The following TRPA1 variants were observed in gnomAD, a reference collection of about 807,000 sequenced individuals.
The protein encoded by TRPA1 is transient receptor potential cation channel subfamily A member 1, also known as ankyrin-like with transmembrane domains 1.
TRPA1 carries 129 observed loss-of-function variants against 131.3 expected under a neutral mutation model. The ratio of observed to expected loss-of-function variants is 0.98; its 90% CI spans 0.85 to 1.14. TRPA1 has a LOEUF of 1.14. TRPA1 is among the 50% of genes most tolerant of loss of function. TRPA1 has a pLI of 0.00. For synonymous variants in TRPA1, 441 were observed against 451.7 expected (o/e 0.98, Z 0.30); for missense variants, 1,304 against 1,354.2 (o/e 0.96, Z 0.58).
chr8:72,036,005 C>CAAAAAAAAA (rs58197251), intron 21 of TRPA1, among the ~76,000 whole-genome samples: 21 of 44,928 alleles, frequency 4.7e-4, no homozygotes, highest in East Asian at 4.3e-3. Context: ...TCCCCCTCCA[C>CAAAAAAAAA]AAAAAAAAAA....
At chr8:72,049,178 T>C (rs1805429440) in intron 15 of TRPA1, among the ~76,000 whole-genome samples, 1 of 152,128 alleles carries the variant, frequency 6.6e-6, no homozygotes, top group South Asian at 2.1e-4. Flanking sequence ...GAACAATAAG[T>C]GCTAGTAGTA....
rs199550426 is a variant in TRPA1, at chr8:72,062,843, T to C, written c.763A>G (p.Ile255Val). The C allele has an allele frequency of 1.6e-4, 264 of 1,613,946 alleles. 2 individuals are homozygous for C. Among genetic ancestry groups the C allele is most frequent in the Non-Finnish European group, 2.4e-5 (28 of 1,179,992 alleles). The change falls in exon 6 of 27, where the codon ATC becomes GTC. Residue 255 changes from isoleucine to valine, a missense_variant. Physicochemically the swap from Ile to Val is conservative, Grantham distance 29. Coordinates refer to ENST00000262209, the MANE Select transcript of TRPA1 (RefSeq NM_007332.3). ...LAVQNGDLEM[I>V]KMCLDNGAQI... ...GCACCATTGTCCAGGCACATTTTGA[T>C]CATTTCCAAGTCACCATTTTGCACA...
At chr8:72,051,633 AAC>A (rs1805511032) in intron 14 of TRPA1, among the ~76,000 whole-genome samples, 1 of 152,210 alleles carries the variant, frequency 6.6e-6, no homozygotes, top group African/African-American at 2.4e-5. Context: ...CATGCTCAAA[AAC>A]ACAGGCTTGA....
chr8:72,037,991 A>G lies in TRPA1; in HGVS notation c.2377T>C (p.Phe793Leu), dbSNP rs1220847645. Residue 793 changes from phenylalanine (F) to leucine (L), a missense_variant, in exon 20 of 27, where the codon TTC becomes CTC. By Grantham distance (22) the Phe-to-Leu change is conservative. Transcript: ENST00000262209. ...FGYCKEAGQI[F>L]QQKRNYFMDI... The stretch of plus-strand genomic sequence containing the variant: ...CAAAATGTATTACATACCTGTTGGA[A>G]AATTTGCCCCGCTTCTTTGCAATAC... 6.3e-7 allele frequency: 1 copy of G among 1,595,840 alleles called. No individual in the cohort carries two copies. The highest frequency in any genetic ancestry group is 1.1e-5 in the South Asian group (1 of 90,494).
the TRPA1 span, among the ~76,000 whole-genome samples, chr8:72,085,745 T>C: frequency 2.0e-5 from 3 of 152,194 alleles, no homozygotes; most frequent in Admixed American, 1.3e-4. Flanking sequence ...TTTATTTATA[T>C]TGATTGTGAT....
chr8:72,050,035 C>T (rs1187788015), intron 15 of TRPA1, among the ~76,000 whole-genome samples: 1 of 151,958 alleles, frequency 6.6e-6, no homozygotes, highest in Non-Finnish European at 1.5e-5. Flanking sequence ...TGTTGGTTTG[C>T]TGCACCCATT....
intron 24 of TRPA1, 75 bp from the exon 25 acceptor site, chr8:72,026,148 A>G (rs1471966303): frequency 9.8e-6 from 11 of 1,124,856 alleles, no homozygotes; most frequent in East Asian, 2.4e-5. Flanking sequence ...AGAGGCAATC[A>G]TTAATACAGC....
chr8:72,057,943 G>A (rs189175164), intron 8 of TRPA1, 127 bp from the exon 9 acceptor site: 112 of 698,874 alleles, frequency 1.6e-4, no homozygotes, highest in African/African-American at 1.5e-3. Context: ...TGAACCATAC[G>A]ACTAGTTATA....
intron 7 of TRPA1, among the ~76,000 whole-genome samples, chr8:72,061,214 C>G (rs539351761): frequency 6.2e-4 from 95 of 152,154 alleles, no homozygotes; most frequent in African/African-American, 2.0e-3. Context: ...TGTTGGTGAG[C>G]AGGAGGGATT....
chr8:72,059,540 A>G (rs1230711775), intron 7 of TRPA1, 102 bp from the exon 8 acceptor site: 1 of 693,774 alleles, frequency 1.4e-6, no homozygotes, highest in Non-Finnish European at 2.4e-6. Flanking sequence ...TTAACTAATC[A>G]TAAAATAACA....
At chr8:72,073,493 A>G (rs1423275472) in intron 1 of TRPA1, among the ~76,000 whole-genome samples, 1 of 152,202 alleles carries the variant, frequency 6.6e-6, no homozygotes, top group African/African-American at 2.4e-5. Context: ...AAAACCCTTC[A>G]TAGTGTTATA....
At chr8:72,052,420 TA>T in intron 14 of TRPA1, 178 bp downstream of exon 14, 1 of 655,176 alleles carries the variant, frequency 1.5e-6, no homozygotes, top group Non-Finnish European at 2.4e-6. Flanking sequence ...AGACCTTTTC[TA>T]AAAATAAATA....
At chr8:72,072,138 A>T (rs1361426346) in intron 1 of TRPA1, among the ~76,000 whole-genome samples, 1 of 152,224 alleles carries the variant, frequency 6.6e-6, no homozygotes, top group African/African-American at 2.4e-5. Flanking sequence ...CTCATTGTAA[A>T]GGAAATGCAG....
At position 72,034,355 on chromosome 8, in the gene TRPA1, T is replaced by C. The variant is rs544008610; in HGVS notation, c.2578A>G (p.Ile860Val). 2.0e-6 allele frequency: 3 copies of C among 1,528,272 alleles called. No homozygotes were observed. In the Admixed American group the frequency reaches 5.6e-5, roughly 28 times the overall value. The allele number at this position is 1,528,272 out of a possible 1,614,324, so 94.7% of individuals were successfully genotyped here. A position where few individuals can be genotyped will look rare whatever the true frequency, so the allele number is the denominator to read the frequency against. ...TTCAAAATTACCTCCAACATAACAA[T>C]AAAAATTCCACAATTTTCAAATCTA... Reference protein sequence around the residue: ...LQRFENCGIFIVMLEVILKTL... With the variant: ...LQRFENCGIFVVMLEVILKTL... The change falls in exon 22 of 27, where the codon ATT becomes GTT. Residue 860 changes from isoleucine (I) to valine (V), a missense_variant. Transcript: ENST00000262209.
At chr8:72,085,748 A>T in the TRPA1 span, among the ~76,000 whole-genome samples, 19 of 151,826 alleles carry the variant, frequency 1.3e-4, no homozygotes, top group Admixed American at 1.2e-3. Flanking sequence ...ATTTATATTG[A>T]TTGTGATCAT....
rs1048948389 is a variant in TRPA1 at position 72,050,890 on chromosome 8, T to A, written c.1812-19A>T. On this transcript the variant is annotated intron_variant, in intron 14 of 26. Coordinates refer to ENST00000262209, the MANE Select transcript of TRPA1 (RefSeq NM_007332.3). ...ATCCCATCTGTAAAAAATAAATAAG[T>A]AAGATAAGCACAGGTCTTCATCCTT... 6 of 1,528,018 alleles carry A rather than the reference T, an allele frequency of 3.9e-6. No individual in the cohort carries two copies. Among genetic ancestry groups the A allele is most frequent in the Non-Finnish European group, 5.4e-6 (6 of 1,105,262 alleles). 94.7% of individuals were successfully genotyped at this position (1,528,018 alleles called of 1,614,324 possible). A position where few individuals can be genotyped will look rare whatever the true frequency, so the allele number is the denominator to read the frequency against.
In TRPA1 at chr8:72,052,100, A is replaced by G. The variant is rs960717792; in HGVS notation, c.1811+499T>C. Among the ~76,000 whole-genome samples the G allele has an allele frequency of 4.5e-4, 68 of 152,350 alleles. 1 individual carries two copies. The highest frequency in any genetic ancestry group is 1.6e-3 in the African/African-American group (66 of 41,588). On this transcript the variant is annotated intron_variant, in intron 14 of 26. Coordinates refer to ENST00000262209, the MANE Select transcript of TRPA1 (RefSeq NM_007332.3). ...AGCATCTCATGTACCTGATACATATACACACCTACTATTTACCCACACAAA... is the reference window on the plus strand; with the variant it reads ...AGCATCTCATGTACCTGATACATATGCACACCTACTATTTACCCACACAAA...
chr8:72,055,754 T>C lies in TRPA1; in HGVS notation c.1296A>G (p.Leu432=), dbSNP rs780614815. The change falls in exon 11 of 27, where the codon CTA becomes CTG. Residue 432 remains leucine, a synonymous_variant. Coordinates refer to ENST00000262209, the MANE Select transcript of TRPA1 (RefSeq NM_007332.3). ...AATGAATGGACACATTAAAGCCAAG[T>C]AGGTTATTTACAGAACCAGGGCCCC... ...RQGGPGSVNN[L]LGFNVSIHSK... 8.7e-6 allele frequency: 14 copies of C among 1,612,950 alleles called. No individual in the cohort carries two copies. Among genetic ancestry groups the C allele is most frequent in the Non-Finnish European group, 1.2e-5 (14 of 1,179,308 alleles).
intron 17 of TRPA1, 35 bp from the exon 18 acceptor site, chr8:72,039,832 T>C (rs751090464): frequency 1.4e-6 from 2 of 1,388,186 alleles, no homozygotes; most frequent in Non-Finnish European, 2.0e-6. Context: ...AAAAACACAA[T>C]CATAATCAAC....
Sources: allele counts gnomAD v4.1 joint callset (sites outside exome capture counted in the v4.1 genomes callset), GRCh38; gene constraint gnomAD v4.1.1; transcripts MANE v1.5; gene names NCBI Gene and HGNC (gene_info 2026-07-23, HGNC 2026-07-21).